DYNC1LI2: variants seen among roughly 807,000 people sequenced by gnomAD.
DYNC1LI2 encodes the protein dynein cytoplasmic 1 light intermediate chain 2.
Under a neutral mutation model 57.8 loss-of-function variants are expected in DYNC1LI2, and 19 were observed. That is an observed-to-expected ratio of 0.33 (90% confidence interval 0.23 to 0.48). The LOEUF (loss-of-function observed/expected upper bound fraction) is 0.48. Ranked by LOEUF, DYNC1LI2 falls within the 20% of genes least tolerant of loss-of-function variation. DYNC1LI2 has a pLI of 0.99. For missense variants in DYNC1LI2, 470 were observed against 604.2 expected, an observed-to-expected ratio of 0.78 and a Z score of 2.33; for synonymous variants, 256 against 233.4, an observed-to-expected ratio of 1.10 and a Z score of -0.88.
intron 2 of DYNC1LI2, among the ~76,000 whole-genome samples, chr16:66,749,601 T>C (rs1251856673): frequency 6.6e-6 from 1 of 152,174 alleles, no homozygotes; most frequent in Non-Finnish European, 1.5e-5. Flanking sequence ...ATCTATAATT[T>C]ATAAGACATG....
intron 8 of DYNC1LI2, among the ~76,000 whole-genome samples, chr16:66,729,799 T>C (rs1303645339): frequency 6.6e-6 from 1 of 151,812 alleles, no homozygotes; most frequent in Non-Finnish European, 1.5e-5. Flanking sequence ...TTTTCTTTTT[T>C]TGATATGGAG....
In DYNC1LI2 at chr16:66,725,877, A is replaced by G; in HGVS notation, c.1329T>C (p.Ser443=). The stretch of plus-strand genomic sequence containing the variant: ...CCCCACCAGCACCAGGACTTCCAGG[A>G]GAGCCTGTCTTTTTACTCAACAGAC... ...FNSLLSKKTG[S]PGSPGAGGVQ... Residue 443 remains serine (S), a synonymous_variant, in exon 12 of 13, where the codon TCT becomes TCC. Coordinates refer to ENST00000258198, the MANE Select transcript of DYNC1LI2 (RefSeq NM_006141.3). The G allele has an allele frequency of 6.2e-7, 1 of 1,614,190 alleles. No homozygotes were observed. Among genetic ancestry groups the G allele is most frequent in the Non-Finnish European group, 8.5e-7 (1 of 1,180,028 alleles).
At position 66,749,213 on chromosome 16, in the gene DYNC1LI2, A is replaced by T. The variant is rs1351584766; in HGVS notation, c.282T>A (p.His94Gln). ...RGLEYLYLSV[H>Q]DEDRDDHTRC... ...TTCACTCACCATCTCGGTCCTCATC[A>T]TGGACACTGAGGTAGAGATATTCTA... The change falls in exon 3 of 13, where the codon CAT becomes CAA. Residue 94 changes from histidine to glutamine, a missense_variant. His to Gln is a conservative substitution (Grantham distance 24, BLOSUM62 0). Transcript: ENST00000258198. 3 of 1,614,166 alleles carry T rather than the reference A, an allele frequency of 1.9e-6. No homozygotes were observed. In the East Asian group the frequency reaches 6.7e-5, roughly 36 times the overall value.
intron 5 of DYNC1LI2, among the ~76,000 whole-genome samples, chr16:66,735,226 C>T (rs916474512): frequency 6.6e-6 from 1 of 151,390 alleles, no homozygotes; most frequent in African/African-American, 2.4e-5. Flanking sequence ...CCTCAGCCCC[C>T]GAGTAGCTGG....
At chr16:66,724,656 C>T (rs2144964039) in intron 12 of DYNC1LI2, 1 of 152,286 alleles carries the variant, frequency 6.6e-6, no homozygotes, top group South Asian at 2.1e-4. Context: ...CATAGACCCG[C>T]CCTACCTGCT....
Position 66,734,326 on chromosome 16 carries a change from G to A in DYNC1LI2, c.700-15C>T, listed in dbSNP as rs370254642. ...ACCGCATCACACTGCAGGGAAGACA[G>A]ACAGAGTCACCTTTTTGCTTCATTG... On this transcript the variant is annotated splice_polypyrimidine_tract_variant and intron_variant, in intron 5 of 12. Coordinates refer to ENST00000258198, the MANE Select transcript of DYNC1LI2 (RefSeq NM_006141.3). 3.8e-5 allele frequency: 62 copies of A among 1,613,182 alleles called. No individual in the cohort carries two copies. Among genetic ancestry groups the A allele is most frequent in the Non-Finnish European group, 5.2e-5 (61 of 1,179,536 alleles).
At chr16:66,729,158 A>C in intron 8 of DYNC1LI2, 59 bp from the exon 9 acceptor site, 1 of 1,592,122 alleles carries the variant, frequency 6.3e-7, no homozygotes, top group Non-Finnish European at 8.6e-7. Flanking sequence ...ACCACTGTCA[A>C]ACTTCATGCC....
At chr16:66,726,005 C>T (rs770260608) in intron 11 of DYNC1LI2, 61 bp from the exon 12 acceptor site, 20 of 1,550,862 alleles carry the variant, frequency 1.3e-5, no homozygotes, top group Admixed American at 1.2e-4. Context: ...AAATTAAACA[C>T]CCTAGTTCTC....
chr16:66,736,647 G>A (rs2017740682), intron 4 of DYNC1LI2, among the ~76,000 whole-genome samples: 1 of 152,092 alleles, frequency 6.6e-6, no homozygotes. Context: ...AAAGGCATGT[G>A]CCACCATGCC....
chr16:66,743,560 C>CA (rs56749595), intron 3 of DYNC1LI2, among the ~76,000 whole-genome samples: 78 of 87,112 alleles, frequency 9.0e-4, no homozygotes, highest in Non-Finnish European at 1.3e-3. Flanking sequence ...GACTCCATCT[C>CA]AAAAAAAAAA....
At chr16:66,728,606 G>T (rs992207487) in intron 9 of DYNC1LI2, among the ~76,000 whole-genome samples, 1 of 152,180 alleles carries the variant, frequency 6.6e-6, no homozygotes, top group Non-Finnish European at 1.5e-5. Context: ...GACAGAAATG[G>T]GAAGTCTGCA....
chr16:66,734,448 G>A, intron 5 of DYNC1LI2, 137 bp from the exon 6 acceptor site: 1 of 781,366 alleles, frequency 1.3e-6, no homozygotes, highest in Non-Finnish European at 2.0e-6. Context: ...AATTAGAGAA[G>A]AGTAAAAAAG....
chr16:66,732,520 A>G (rs754675285), intron 6 of DYNC1LI2, 46 bp from the exon 7 acceptor site: 4 of 1,584,976 alleles, frequency 2.5e-6, no homozygotes, highest in Non-Finnish European at 3.4e-6. Flanking sequence ...AGGAGGAGAC[A>G]AAATCGAACA....
At position 66,725,142 on chromosome 16, in the gene DYNC1LI2, T is replaced by A. The variant is rs1159177323; in HGVS notation, c.1378+686A>T. ...GTGAGTTGAGATCATGCCACTGTAC[T>A]CCAGCCTGGGCGACAGAGCAAGACT... On this transcript the variant is annotated intron_variant, in intron 12 of 12. Transcript: ENST00000258198. Among the ~76,000 whole-genome samples, 6 of 138,548 alleles carry A rather than the reference T, an allele frequency of 4.3e-5. No individual in the cohort carries two copies. The Admixed American group carries it at 4.7e-4, about 11-fold the overall frequency. The allele number at this position is 138,548 out of a possible 152,430, so 90.9% of individuals were successfully genotyped here. A position where few individuals can be genotyped will look rare whatever the true frequency, so the allele number is the denominator to read the frequency against.
intron 3 of DYNC1LI2, among the ~76,000 whole-genome samples, chr16:66,744,090 G>C (rs1353624273): frequency 6.6e-6 from 1 of 152,162 alleles, no homozygotes; most frequent in Non-Finnish European, 1.5e-5. Context: ...TTATTTTTGA[G>C]ACAGCGTCTG....
At chr16:66,726,612 A>T (rs935950794) in intron 11 of DYNC1LI2, among the ~76,000 whole-genome samples, 1 of 152,204 alleles carries the variant, frequency 6.6e-6, no homozygotes, top group African/African-American at 2.4e-5. Flanking sequence ...TCGGCAACGT[A>T]AGTGAGACCC....
intron 12 of DYNC1LI2, among the ~76,000 whole-genome samples, chr16:66,725,178 C>CA (rs34062942): frequency 0.38 from 46,436 of 122,978 alleles, 8,478 homozygotes; most frequent in East Asian, 0.64. Flanking sequence ...CCATCTCTAT[C>CA]AAAAAAAAAA....
intron 2 of DYNC1LI2, 125 bp from the exon 3 acceptor site, chr16:66,749,438 T>C (rs958830411): frequency 2.1e-6 from 2 of 946,946 alleles, no homozygotes; most frequent in Middle Eastern, 2.5e-4. Flanking sequence ...AAGTCTCACC[T>C]GCTTTCATAA....
At chr16:66,737,455 C>T (rs939639008) in intron 4 of DYNC1LI2, among the ~76,000 whole-genome samples, 1 of 128,542 alleles carries the variant, frequency 7.8e-6, no homozygotes, top group Non-Finnish European at 1.5e-5. Flanking sequence ...ACCAGGGAGT[C>T]GGAGGTTGCA....
Sources: allele counts gnomAD v4.1 joint callset (sites outside exome capture counted in the v4.1 genomes callset), GRCh38; gene constraint gnomAD v4.1.1; transcripts MANE v1.5; gene names NCBI Gene and HGNC (gene_info 2026-07-23, HGNC 2026-07-21).